TRIM44: variants seen among roughly 807,000 people sequenced by gnomAD.
The protein encoded by TRIM44 is tripartite motif-containing protein 44.
In TRIM44, 13 loss-of-function variants were observed where a neutral mutation model predicts 37.4. The observed-to-expected ratio is 0.35, with a 90% CI of 0.23 to 0.55. The LOEUF (loss-of-function observed/expected upper bound fraction) is 0.55. TRIM44 is among the 20% of genes least tolerant of loss of function. TRIM44 has a pLI of 0.89. For synonymous variants in TRIM44, 175 were observed against 157.2 expected, an observed-to-expected ratio of 1.11 and a Z score of -0.85; for missense variants, 426 against 437.2, an observed-to-expected ratio of 0.97 and a Z score of 0.23.
intron 4 of TRIM44, among the ~76,000 whole-genome samples, chr11:35,763,976 C>G (rs114062436): frequency 2.2e-4 from 34 of 152,300 alleles, no homozygotes; most frequent in African/African-American, 8.2e-4. Flanking sequence ...ATGATAACAT[C>G]TTCACAGATG....
chr11:35,696,625 G>A lies in TRIM44; in HGVS notation c.747+11289G>A, dbSNP rs1455219179. On this transcript the variant is annotated intron_variant, in intron 2 of 4. Transcript: ENST00000299413. ...GCACTTTGGGAGGCCGAGGCGGGTGGATCACGAGGTCAAGAGATCAAGATC... is the reference window on the plus strand; with the variant it reads ...GCACTTTGGGAGGCCGAGGCGGGTGAATCACGAGGTCAAGAGATCAAGATC... Among the ~76,000 whole-genome samples the A allele has an allele frequency of 2.0e-5, 3 of 151,342 alleles. No homozygotes were observed. The South Asian group carries it at 6.3e-4, about 32-fold the overall frequency.
At chr11:35,751,560 A>T (rs1365306640) in intron 4 of TRIM44, among the ~76,000 whole-genome samples, 1 of 152,224 alleles carries the variant, frequency 6.6e-6, no homozygotes, top group Non-Finnish European at 1.5e-5. Context: ...GAGCAGTAGT[A>T]CCTACTATGT....
intron 1 of TRIM44, among the ~76,000 whole-genome samples, chr11:35,665,070 C>G (rs1442591415): frequency 1.3e-5 from 2 of 152,152 alleles, no homozygotes; most frequent in African/African-American, 4.8e-5. Context: ...TATTCACTTT[C>G]ATTACTATTT....
chr11:35,664,347 G>A (rs904082613), intron 1 of TRIM44, among the ~76,000 whole-genome samples: 2 of 152,236 alleles, frequency 1.3e-5, no homozygotes, highest in Admixed American at 6.5e-5. Flanking sequence ...GGTGGGAGTG[G>A]AAGTTCCCAT....
intron 2 of TRIM44, among the ~76,000 whole-genome samples, chr11:35,685,771 C>T (rs1851569021): frequency 6.6e-6 from 1 of 152,202 alleles, no homozygotes; most frequent in Non-Finnish European, 1.5e-5. Flanking sequence ...CCAAGCCATT[C>T]TCCTGCCTCA....
intron 4 of TRIM44, among the ~76,000 whole-genome samples, chr11:35,745,938 TA>T (rs1255764229): frequency 4.1e-5 from 6 of 148,106 alleles, no homozygotes; most frequent in Non-Finnish European, 9.0e-5. Flanking sequence ...ATCAACATTA[TA>T]AAAAAAAAAG....
chr11:35,674,163 G>A (rs1851433559), intron 1 of TRIM44, among the ~76,000 whole-genome samples: 3 of 152,012 alleles, frequency 2.0e-5, no homozygotes, highest in Non-Finnish European at 4.4e-5. Flanking sequence ...TGAGAATGGG[G>A]TAAGAAATGC....
intron 1 of TRIM44, among the ~76,000 whole-genome samples, chr11:35,670,817 A>G (rs1851385419): frequency 6.6e-6 from 1 of 152,182 alleles, no homozygotes; most frequent in Non-Finnish European, 1.5e-5. Flanking sequence ...AATTGTAAAG[A>G]CTGGAGTAAT....
intron 4 of TRIM44, among the ~76,000 whole-genome samples, chr11:35,752,052 T>A (rs1441163500): frequency 6.6e-6 from 1 of 152,184 alleles, no homozygotes; most frequent in Non-Finnish European, 1.5e-5. Context: ...TAACTCTTGT[T>A]TTCTCCTCTG....
chr11:35,768,752 A>G (rs536982653), intron 4 of TRIM44, among the ~76,000 whole-genome samples: 1 of 152,178 alleles, frequency 6.6e-6, no homozygotes, highest in Non-Finnish European at 1.5e-5. Context: ...TAAACACTCA[A>G]AAATGCTTTT....
chr11:35,713,066 C>CAT (rs1851997921), intron 2 of TRIM44, among the ~76,000 whole-genome samples: 1 of 152,174 alleles, frequency 6.6e-6, no homozygotes, highest in Admixed American at 6.5e-5. Context: ...GATGCTTATA[C>CAT]ATATATATAA....
At chr11:35,664,268 G>A (rs1851309052) in intron 1 of TRIM44, among the ~76,000 whole-genome samples, 1 of 152,168 alleles carries the variant, frequency 6.6e-6, no homozygotes, top group African/African-American at 2.4e-5. Context: ...TGTGCCCCGA[G>A]TTCATTTTAG....
intron 2 of TRIM44, among the ~76,000 whole-genome samples, chr11:35,705,903 A>C (rs1368277654): frequency 2.0e-5 from 3 of 148,934 alleles, no homozygotes; most frequent in Non-Finnish European, 4.5e-5. Context: ...GCAAGAAATA[A>C]CTAAAATCAG....
chr11:35,802,144 TGTCAGATTAA>T (rs1853379604), intron 4 of TRIM44, among the ~76,000 whole-genome samples: 1 of 152,234 alleles, frequency 6.6e-6, no homozygotes, highest in East Asian at 1.9e-4. Context: ...ACTTGCTTTC[TGTCAGATTAA>T]GTCTGATTTC....
At chr11:35,769,310 G>A (rs537273571) in intron 4 of TRIM44, among the ~76,000 whole-genome samples, 5 of 152,184 alleles carry the variant, frequency 3.3e-5, no homozygotes, top group African/African-American at 1.2e-4. Flanking sequence ...TTTTTCTTAT[G>A]TTGTTATTTT....
At chr11:35,786,843 A>G (rs1281141607) in intron 4 of TRIM44, among the ~76,000 whole-genome samples, 3 of 152,132 alleles carry the variant, frequency 2.0e-5, no homozygotes, top group Admixed American at 6.5e-5. Flanking sequence ...TGGCAGATAC[A>G]GTGTTCTTCA....
chr11:35,734,393 A>G (rs1157300616), intron 3 of TRIM44, among the ~76,000 whole-genome samples: 1 of 152,220 alleles, frequency 6.6e-6, no homozygotes, highest in Non-Finnish European at 1.5e-5. Context: ...AAGAAAGGCA[A>G]AATAACATGA....
At chr11:35,694,626 T>A (rs1332487539) in intron 2 of TRIM44, among the ~76,000 whole-genome samples, 1 of 152,050 alleles carries the variant, frequency 6.6e-6, no homozygotes, top group Admixed American at 6.6e-5. Flanking sequence ...GAAGTCTTGA[T>A]CTGTGATCAT....
chr11:35,746,588 T>G (rs1852495143), intron 4 of TRIM44, among the ~76,000 whole-genome samples: 1 of 151,992 alleles, frequency 6.6e-6, no homozygotes, highest in Admixed American at 6.6e-5. Context: ...TTTTCTTTCC[T>G]AGATGATGTG....
Sources: gnomAD v4.1 joint callset for allele counts (sites outside exome capture counted in the v4.1 genomes callset) on GRCh38, gnomAD v4.1.1 for gene constraint, MANE v1.5 for transcripts, NCBI Gene and HGNC (gene_info 2026-07-23, HGNC 2026-07-21) for gene names.